Variants in KCNB2 observed in about 807,000 individuals in gnomAD.
KCNB2 encodes the protein potassium voltage-gated channel subfamily B member 2, also known as delayed rectifier potassium channel protein.
In KCNB2, 15 loss-of-function variants were observed where a neutral mutation model predicts 61.5. The observed-to-expected ratio is 0.24, with a 90% confidence interval of 0.16 to 0.38. The LOEUF is 0.38. KCNB2 is among the 10% of genes least tolerant of loss of function. The pLI is 1.00. For missense variants in KCNB2, 828 were observed against 1,125.2 expected, an observed-to-expected ratio of 0.74 and a Z score of 3.78; for synonymous variants, 457 against 446.0, an observed-to-expected ratio of 1.02 and a Z score of -0.31.
intron 2 of KCNB2, among the ~76,000 whole-genome samples, chr8:72,680,698 T>A (rs1393738525): frequency 1.3e-5 from 2 of 152,118 alleles, no homozygotes; most frequent in African/African-American, 4.8e-5. Flanking sequence ...TACTGATGAC[T>A]AATGAGATAA....
chr8:72,833,891 T>G (rs1447466304), intron 2 of KCNB2, among the ~76,000 whole-genome samples: 1 of 152,192 alleles, frequency 6.6e-6, no homozygotes, highest in Non-Finnish European at 1.5e-5. Context: ...CCACCCTTCC[T>G]GTTAATTTTG....
At chr8:72,753,826 A>C (rs1237718626) in intron 2 of KCNB2, among the ~76,000 whole-genome samples, 1 of 152,226 alleles carries the variant, frequency 6.6e-6, no homozygotes, top group Non-Finnish European at 1.5e-5. Flanking sequence ...GCCAATCAAA[A>C]ATTAGCCTTA....
At position 72,568,087 on chromosome 8, in the gene KCNB2, C is replaced by CGTGCAA. The variant is rs778308891; in HGVS notation, c.355_356insGCAAGT (p.Ser118_Phe119insCysLys). The CGTGCAA allele has an allele frequency of 1.9e-6, 3 of 1,614,068 alleles. No individual in the cohort carries two copies. The highest frequency in any genetic ancestry group is 2.5e-6 in the Non-Finnish European group (3 of 1,180,028). On this transcript the variant is annotated inframe_insertion, in exon 2 of 3. Transcript: ENST00000523207. Reference sequence around the variant, plus strand: ...ATGATGGAAGAAATGTGTGCACTTTCGTTTGGCCAAGAACTTGATTACTGG... The same window carrying CGTGCAA: ...ATGATGGAAGAAATGTGTGCACTTTCGTGCAAGTTTGGCCAAGAACTTGATTACTGG...
chr8:72,702,933 G>A (rs1807158313), intron 2 of KCNB2, among the ~76,000 whole-genome samples: 1 of 152,172 alleles, frequency 6.6e-6, no homozygotes, highest in African/African-American at 2.4e-5. Context: ...CACTGCGTCT[G>A]CACTACCCTT....
At chr8:72,848,383 G>C (rs1195161577) in intron 2 of KCNB2, among the ~76,000 whole-genome samples, 1 of 152,064 alleles carries the variant, frequency 6.6e-6, no homozygotes, top group Non-Finnish European at 1.5e-5. Context: ...TGAAGGAACA[G>C]TTTCTACTTT....
At chr8:72,656,995 C>T (rs956776949) in intron 2 of KCNB2, among the ~76,000 whole-genome samples, 5 of 152,140 alleles carry the variant, frequency 3.3e-5, no homozygotes, top group Non-Finnish European at 7.4e-5. Context: ...TTACTGGCCA[C>T]AGGCTCTATT....
intron 2 of KCNB2, among the ~76,000 whole-genome samples, chr8:72,656,205 AT>A (rs1340317429): frequency 6.6e-6 from 1 of 152,100 alleles, no homozygotes; most frequent in Non-Finnish European, 1.5e-5. Context: ...ATCTCCCTTC[AT>A]TTTTTCAATG....
chr8:72,584,650 A>T (rs1806975886), intron 2 of KCNB2, among the ~76,000 whole-genome samples: 1 of 152,194 alleles, frequency 6.6e-6, no homozygotes, highest in African/African-American at 2.4e-5. Flanking sequence ...AACATGGACT[A>T]TGTATCAGGA....
intron 2 of KCNB2, among the ~76,000 whole-genome samples, chr8:72,700,635 A>G (rs1807105152): frequency 6.6e-6 from 1 of 152,144 alleles, no homozygotes; most frequent in Admixed American, 6.6e-5. Context: ...ACACTGTTGG[A>G]GAGAATTTAA....
intron 2 of KCNB2, among the ~76,000 whole-genome samples, chr8:72,903,913 C>G (rs1262034020): frequency 6.6e-6 from 1 of 152,024 alleles, no homozygotes; most frequent in East Asian, 1.9e-4. Flanking sequence ...TTGCCCTTGA[C>G]GAGACTCCAT....
chr8:72,555,613 GA>G (rs1806414297), intron 1 of KCNB2, among the ~76,000 whole-genome samples: 1 of 150,656 alleles, frequency 6.6e-6, no homozygotes, highest in Admixed American at 6.6e-5. Context: ...AAAAAAAAAT[GA>G]AAAAAACCCA....
rs147423544 is a variant in KCNB2 at position 72,917,973 on chromosome 8, C to T, written c.580-17962C>T. Among the ~76,000 whole-genome samples the T allele has an allele frequency of 8.6e-4, 131 of 152,072 alleles. 2 individuals carry two copies. Among genetic ancestry groups the T allele is most frequent in the African/African-American group, 3.0e-3 (124 of 41,450 alleles). On this transcript the variant is annotated intron_variant, in intron 2 of 2. Coordinates refer to ENST00000523207, the MANE Select transcript of KCNB2 (RefSeq NM_004770.3). Reference sequence around the variant, plus strand: ...AGGTGTAGAGAGAAGGGGAAGCAGGCTGAAGGGTATCCAAGGTAAATAAAA... The same window carrying T: ...AGGTGTAGAGAGAAGGGGAAGCAGGTTGAAGGGTATCCAAGGTAAATAAAA...
intron 2 of KCNB2, among the ~76,000 whole-genome samples, chr8:72,883,517 AAGAGAACTG>A (rs1805751312): frequency 1.3e-5 from 2 of 152,224 alleles, no homozygotes; most frequent in South Asian, 4.1e-4. Context: ...AGATCTATAG[AAGAGAACTG>A]AGAATAGCAT....
At chr8:72,689,565 C>T (rs1806908675) in intron 2 of KCNB2, among the ~76,000 whole-genome samples, 1 of 152,128 alleles carries the variant, frequency 6.6e-6, no homozygotes, top group South Asian at 2.1e-4. Context: ...TCTTCGTTCC[C>T]ACTCCCAGCC....
Position 72,761,633 on chromosome 8 carries a change from A to G in KCNB2, c.580-174302A>G, listed in dbSNP as rs973513177. ...TAGAATACAATATGTCAATTGGAAT[A>G]TGAGGTGGCTTTGACAAGAATACCA... On this transcript the variant is annotated intron_variant, in intron 2 of 2. Coordinates refer to ENST00000523207, the MANE Select transcript of KCNB2 (RefSeq NM_004770.3). 3.3e-5 allele frequency among the ~76,000 whole-genome samples: 5 copies of G among 152,352 alleles called. 1 individual carries two copies.
intron 2 of KCNB2, among the ~76,000 whole-genome samples, chr8:72,610,542 AT>A (rs1406330591): frequency 6.6e-6 from 1 of 152,176 alleles, no homozygotes; most frequent in East Asian, 1.9e-4. Context: ...TATGTATGCA[AT>A]AAAAATAACA....
intron 2 of KCNB2, among the ~76,000 whole-genome samples, chr8:72,706,601 G>A (rs536885056): frequency 5.7e-4 from 87 of 152,254 alleles, no homozygotes; most frequent in African/African-American, 1.9e-3. Flanking sequence ...CATTTCTGGA[G>A]TCTTATTGTT....
chr8:72,561,717 A>C lies in KCNB2; in HGVS notation c.-93-5925A>C, dbSNP rs1371385906. ...TATATATATATATATATATATATAT[A>C]TATATATATATCTATATCTATATAT... is the stretch of plus-strand genomic sequence containing the variant. On this transcript the variant is annotated intron_variant, in intron 1 of 2. Coordinates refer to ENST00000523207, the MANE Select transcript of KCNB2 (RefSeq NM_004770.3). Among the ~76,000 whole-genome samples the C allele has an allele frequency of 2.8e-3, 68 of 23,992 alleles. 7 individuals are homozygous for C. In the East Asian group the frequency reaches 0.17, roughly 58 times the overall value. The allele number at this position is 23,992 out of a possible 152,430, so 15.7% of individuals were successfully genotyped here. A position where few individuals can be genotyped will look rare whatever the true frequency, so the allele number is the denominator to read the frequency against.
chr8:72,546,561 T>C (rs559620185), intron 1 of KCNB2, among the ~76,000 whole-genome samples: 1 of 151,610 alleles, frequency 6.6e-6, no homozygotes, highest in African/African-American at 2.4e-5. Context: ...GTGTTAAATA[T>C]GGAAGCTGCA....
Sources: gnomAD v4.1 joint callset for allele counts (sites outside exome capture counted in the v4.1 genomes callset) on GRCh38, gnomAD v4.1.1 for gene constraint, MANE v1.5 for transcripts, NCBI Gene and HGNC (gene_info 2026-07-23, HGNC 2026-07-21) for gene names.